Variants in ABCA12 observed in about 807,000 individuals in gnomAD.
The protein encoded by ABCA12 is glucosylceramide transporter ABCA12.
A neutral mutation model predicts 293.5 loss-of-function variants in ABCA12; 156 were observed. The observed-to-expected ratio is 0.53, with a 90% CI of 0.47 to 0.61. The LOEUF (loss-of-function observed/expected upper bound fraction) is 0.61. ABCA12 is among the 20% of genes least tolerant of loss of function. The probability of loss-of-function intolerance (pLI) is 0.00; values close to 1 mark genes in which losing one functional copy is unlikely to be tolerated. For missense variants in ABCA12, 2,797 were observed against 3,090.2 expected (o/e 0.91, Z 2.25); for synonymous variants, 1,063 against 1,108.0 (o/e 0.96, Z 0.81).
At chr2:215,004,366 T>C (rs1700209929) in intron 19 of ABCA12, 67 bp from the exon 20 acceptor site, 2 of 1,212,858 alleles carry the variant, frequency 1.6e-6, no homozygotes, top group Non-Finnish European at 1.2e-6. Flanking sequence ...GTCTCTCTAA[T>C]AACCACCACA....
chr2:215,087,442 T>C (rs1252532933), intron 2 of ABCA12, among the ~76,000 whole-genome samples: 1 of 151,872 alleles, frequency 6.6e-6, no homozygotes, highest in Non-Finnish European at 1.5e-5. Flanking sequence ...AGAGCAAATA[T>C]AGATATGAAA....
rs111867720 is a variant in ABCA12 at position 215,076,717 on chromosome 2, T to C, written c.164-12498A>G. Reference sequence around the variant, plus strand: ...ATCCATTATGGTAATAAATTGAAAGTGTTCATCAAAAGACCACAGACAAAT... The same window carrying C: ...ATCCATTATGGTAATAAATTGAAAGCGTTCATCAAAAGACCACAGACAAAT... On this transcript the variant is annotated intron_variant, in intron 2 of 52. Transcript: ENST00000272895. Among the ~76,000 whole-genome samples, 975 of 152,272 alleles carry C rather than the reference T, an allele frequency of 6.4e-3. 6 individuals carry two copies. Among genetic ancestry groups the C allele is most frequent in the African/African-American group, 0.023 (953 of 41,546 alleles).
At position 214,970,387 on chromosome 2, in the gene ABCA12, A is replaced by C. The variant is rs538567282; in HGVS notation, c.5576T>G (p.Phe1859Cys). The C allele has an allele frequency of 7.4e-6, 12 of 1,613,258 alleles. 1 individual carries two copies. The highest frequency in any genetic ancestry group is 9.3e-6 in the Non-Finnish European group (11 of 1,179,428). The change falls in exon 37 of 53, where the codon TTT becomes TGT. Residue 1859 changes from phenylalanine (F) to cysteine (C), a missense_variant. Phe to Cys is a radical substitution (Grantham distance 205, BLOSUM62 -2). Around this residue, in one of 3 missense-constraint regions of ABCA12, gnomAD observed 2,130 missense variants for 2,427.0 expected, o/e 0.88. Coordinates refer to ENST00000272895, the MANE Select transcript of ABCA12 (RefSeq NM_173076.3). ...TCTTCTGTGCGGTGGGGAATAGTTA[A>C]ATTTAGGACATTCCTGGAAAATAAA... ...CSENVQECPKFNYSPPHRRTY... is the reference protein window; with the variant it reads ...CSENVQECPKCNYSPPHRRTY...
At chr2:215,013,684 TA>T (rs1700425131) in intron 15 of ABCA12, 2 of 154,318 alleles carry the variant, frequency 1.3e-5, no homozygotes, top group Admixed American at 6.5e-5. Context: ...AAATTAGAGT[TA>T]AAATTTTAGG....
chr2:215,110,459 G>A (rs1702549387), intron 2 of ABCA12, among the ~76,000 whole-genome samples: 1 of 152,176 alleles, frequency 6.6e-6, no homozygotes, highest in South Asian at 2.1e-4. Flanking sequence ...TGCTTGCAGT[G>A]AGCCGAAATC....
At chr2:215,030,486 C>A (rs372787605) in intron 9 of ABCA12, among the ~76,000 whole-genome samples, 1 of 151,828 alleles carries the variant, frequency 6.6e-6, no homozygotes, top group East Asian at 1.9e-4. Flanking sequence ...CGCCTGTAGT[C>A]CCAGCTACTT....
At chr2:215,103,456 G>C (rs995615345) in intron 2 of ABCA12, among the ~76,000 whole-genome samples, 2 of 151,706 alleles carry the variant, frequency 1.3e-5, no homozygotes, top group Non-Finnish European at 2.9e-5. Flanking sequence ...TTTTAGTAGA[G>C]ACAGGGTTTC....
chr2:215,087,221 T>C (rs915681638), intron 2 of ABCA12, among the ~76,000 whole-genome samples: 1 of 152,086 alleles, frequency 6.6e-6, no homozygotes, highest in African/African-American at 2.4e-5. Context: ...GGATTTCAGG[T>C]GTGAGCCACC....
rs376824776 is a variant in ABCA12 at position 215,025,715 on chromosome 2, A to G, written c.1245T>C (p.Tyr415=). The G allele has an allele frequency of 1.2e-6, 2 of 1,611,970 alleles. No individual in the cohort carries two copies. The highest frequency in any genetic ancestry group is 2.2e-5 in the East Asian group (1 of 44,710). ...FKKSFLRNGS[Y]EDYFPPVPEV... is the part of the protein sequence containing the mutation. ...CAGGAACTGGAGGAAAGTAATCTTC[A>G]TAGGAACCATTGCGAAGAAAAGATT... The change falls in exon 11 of 53, where the codon TAT becomes TAC. Residue 415 remains tyrosine, a synonymous_variant. Transcript: ENST00000272895.
rs747746998 is a variant in ABCA12, at chr2:214,937,508, ACTT to A, written c.7541_7542+1del. On this transcript the variant is annotated splice_donor_variant and coding_sequence_variant, in exon 51 of 53. Transcript: ENST00000272895. LOFTEE classifies it high-confidence loss of function. The stretch of plus-strand genomic sequence containing the variant: ...CCACTGCACCCAGCCATCATCACTT[ACTT>A]TTAAGTATGTTTTTGGAAAGTGCAG... 1.2e-6 allele frequency: 2 copies of A among 1,611,176 alleles called. No homozygotes were observed. The highest frequency in any genetic ancestry group is 1.3e-5 in the African/African-American group (1 of 74,844).
intron 1 of ABCA12, among the ~76,000 whole-genome samples, chr2:215,134,577 ATC>A (rs370388681): frequency 0.029 from 2,230 of 76,794 alleles, 299 homozygotes; most frequent in African/African-American, 0.14. Flanking sequence ...TATATATATA[ATC>A]TCTCTCTCTC....
At chr2:215,018,259 A>G (rs1002086491) in intron 13 of ABCA12, 127 bp from the exon 14 acceptor site, 1 of 1,194,874 alleles carries the variant, frequency 8.4e-7, no homozygotes, top group African/African-American at 1.5e-5. Flanking sequence ...GATGTCTCCC[A>G]GTTTTGGCAA....
At chr2:214,990,644 C>T (rs1699890659) in intron 24 of ABCA12, 58 bp downstream of exon 24, 1 of 1,568,382 alleles carries the variant, frequency 6.4e-7, no homozygotes, top group Non-Finnish European at 8.8e-7. Context: ...CAAAAACAAA[C>T]AAACAAACAA....
chr2:215,126,716 G>A (rs1256030688), intron 1 of ABCA12, among the ~76,000 whole-genome samples: 1 of 151,426 alleles, frequency 6.6e-6, no homozygotes. Flanking sequence ...TCTTGCCAGT[G>A]GTCTATTTTA....
At chr2:215,019,269 T>C in intron 13 of ABCA12, 67 bp downstream of exon 13, 1 of 1,469,850 alleles carries the variant, frequency 6.8e-7, no homozygotes, top group South Asian at 1.1e-5. Flanking sequence ...AAAGCTTTCT[T>C]AAACTGCAGC....
chr2:214,967,071 T>G (rs909038433), intron 38 of ABCA12, 118 bp from the exon 39 acceptor site: 11 of 877,442 alleles, frequency 1.3e-5, no homozygotes, highest in Non-Finnish European at 1.9e-5. Flanking sequence ...TCCAATAATT[T>G]ATTTTATCTT....
intron 39 of ABCA12, chr2:214,962,136 T>C (rs1699131654): frequency 6.6e-6 from 1 of 152,204 alleles, no homozygotes; most frequent in Admixed American, 6.6e-5. Flanking sequence ...TGCGCAAGGC[T>C]CAAGAAGATG....
chr2:215,064,686 AATACACGC>A (rs1466617961), intron 2 of ABCA12, among the ~76,000 whole-genome samples: 46 of 136,946 alleles, frequency 3.4e-4, no homozygotes, highest in African/African-American at 1.4e-3. Flanking sequence ...CTAATCTTTT[AATACACGC>A]ACACACACAC....
intron 44 of ABCA12, 145 bp from the exon 45 acceptor site, chr2:214,951,228 A>C (rs1698759983): frequency 1.3e-6 from 1 of 772,524 alleles, no homozygotes; most frequent in Non-Finnish European, 2.2e-6. Context: ...TATGCTACTC[A>C]GATAACTTAA....
Sources: allele counts gnomAD v4.1 joint callset (sites outside exome capture counted in the v4.1 genomes callset), GRCh38; gene constraint gnomAD v4.1.1; regional missense constraint gnomAD v4.1.1; transcripts MANE v1.5; gene names NCBI Gene and HGNC (gene_info 2026-07-23, HGNC 2026-07-21).